The following LRP1B variants were observed in gnomAD, a reference collection of about 807,000 sequenced individuals.
LRP1B encodes the protein LDL receptor related protein 1B, also known as low-density lipoprotein receptor-related protein 1B.
Under a neutral mutation model 556.6 loss-of-function variants are expected in LRP1B, and 217 were observed. The observed-to-expected ratio is 0.39, with a 90% CI of 0.35 to 0.44. The LOEUF is 0.44. LRP1B is among the 20% of genes least tolerant of loss of function. The pLI is 1.00. For synonymous variants in LRP1B, 2,047 were observed against 1,865.8 expected (o/e 1.10, Z -2.50); for missense variants, 5,053 against 5,620.8 (o/e 0.90, Z 3.23).
chr2:141,033,163 G>T (rs978542350), intron 11 of LRP1B, among the ~76,000 whole-genome samples: 14 of 151,906 alleles, frequency 9.2e-5, no homozygotes, highest in Non-Finnish European at 2.1e-4. Flanking sequence ...GGGTTGGTGT[G>T]CTGGGGTAAC....
chr2:141,259,400 C>T (rs1181201433), intron 3 of LRP1B, among the ~76,000 whole-genome samples: 1 of 152,170 alleles, frequency 6.6e-6, no homozygotes, highest in African/African-American at 2.4e-5. Context: ...AGATGACATT[C>T]CCCAGTTGTC....
At chr2:140,508,299 T>G (rs1374661179) in intron 52 of LRP1B, among the ~76,000 whole-genome samples, 1 of 152,158 alleles carries the variant, frequency 6.6e-6, no homozygotes, top group Admixed American at 6.5e-5. Flanking sequence ...GTAGGATATT[T>G]TACATAATAT....
At chr2:140,547,207 T>G (rs1450099976) in intron 43 of LRP1B, among the ~76,000 whole-genome samples, 1 of 152,164 alleles carries the variant, frequency 6.6e-6, no homozygotes, top group East Asian at 1.9e-4. Flanking sequence ...TCAATTTTTT[T>G]GTACTAATTT....
intron 7 of LRP1B, among the ~76,000 whole-genome samples, chr2:141,131,333 A>G (rs1188499274): frequency 6.7e-6 from 1 of 150,230 alleles, no homozygotes; most frequent in Admixed American, 6.7e-5. Context: ...TCTACACAAC[A>G]ATTTAAAAAA....
intron 20 of LRP1B, among the ~76,000 whole-genome samples, chr2:140,934,455 T>C (rs909866166): frequency 1.3e-5 from 2 of 152,166 alleles, no homozygotes; most frequent in Non-Finnish European, 1.5e-5. Flanking sequence ...ATCTTTCTAA[T>C]GCAAACTATC....
At chr2:140,579,359 T>C (rs1047627860) in intron 43 of LRP1B, among the ~76,000 whole-genome samples, 2 of 144,938 alleles carry the variant, frequency 1.4e-5, no homozygotes, top group African/African-American at 5.2e-5. Context: ...ATAATACAAC[T>C]TGTCTCCCCC....
At chr2:140,393,530 T>C (rs1220831367) in intron 66 of LRP1B, among the ~76,000 whole-genome samples, 2 of 152,054 alleles carry the variant, frequency 1.3e-5, no homozygotes, top group East Asian at 1.9e-4. Flanking sequence ...GATTAAGAGA[T>C]ATTGGAAATA....
At chr2:141,800,603 A>C (rs1320618780) in intron 2 of LRP1B, among the ~76,000 whole-genome samples, 2 of 152,188 alleles carry the variant, frequency 1.3e-5, no homozygotes, top group African/African-American at 4.8e-5. Flanking sequence ...TTTTGTCAGG[A>C]TCAAAGGAGA....
intron 2 of LRP1B, among the ~76,000 whole-genome samples, chr2:141,497,062 A>C (rs1273151296): frequency 6.6e-6 from 1 of 152,036 alleles, no homozygotes; most frequent in African/African-American, 2.4e-5. Flanking sequence ...AACTTGTGAC[A>C]TAAGAAAAAC....
chr2:141,344,799 A>G (rs994045585), intron 3 of LRP1B, among the ~76,000 whole-genome samples: 2 of 152,178 alleles, frequency 1.3e-5, no homozygotes, highest in African/African-American at 4.8e-5. Flanking sequence ...ATTATTAATC[A>G]TTTGTGAGAG....
At chr2:141,732,684 G>A (rs937224258) in intron 2 of LRP1B, among the ~76,000 whole-genome samples, 2 of 151,984 alleles carry the variant, frequency 1.3e-5, no homozygotes, top group Non-Finnish European at 2.9e-5. Context: ...AATTTGAAGA[G>A]GAAGGAAGAA....
chr2:141,285,531 C>A (rs1363640898), intron 3 of LRP1B, among the ~76,000 whole-genome samples: 1 of 141,336 alleles, frequency 7.1e-6, no homozygotes, highest in Non-Finnish European at 1.5e-5. Context: ...CATCAGCTCA[C>A]TGCAACCTCC....
chr2:140,779,202 T>TA (rs900516831), intron 32 of LRP1B, among the ~76,000 whole-genome samples: 1 of 151,884 alleles, frequency 6.6e-6, no homozygotes, highest in Admixed American at 6.6e-5. Flanking sequence ...ACACTGTGCT[T>TA]AAAAAAAATC....
At chr2:140,914,319 A>G (rs1331621937) in intron 21 of LRP1B, among the ~76,000 whole-genome samples, 1 of 152,134 alleles carries the variant, frequency 6.6e-6, no homozygotes, top group Non-Finnish European at 1.5e-5. Context: ...GATATTGCAT[A>G]AGTAACCTCA....
intron 3 of LRP1B, among the ~76,000 whole-genome samples, chr2:141,460,177 T>G (rs1392025035): frequency 6.6e-6 from 1 of 152,202 alleles, no homozygotes; most frequent in Non-Finnish European, 1.5e-5. Context: ...TTTCTTCCCT[T>G]AAAAAATTTA....
At chr2:140,325,217 AATAGGAGCCAGGCAG>A (rs1354035356) in intron 80 of LRP1B, among the ~76,000 whole-genome samples, 1 of 152,070 alleles carries the variant, frequency 6.6e-6, no homozygotes, top group East Asian at 1.9e-4. Context: ...GACAGTAAAA[AATAGGAGCCAGGCAG>A]ATAGGTGGGC....
At chr2:142,093,984 G>A (rs1706268549) in intron 1 of LRP1B, among the ~76,000 whole-genome samples, 1 of 152,024 alleles carries the variant, frequency 6.6e-6, no homozygotes, top group Non-Finnish European at 1.5e-5. Context: ...CCTAGAGGCT[G>A]GGAATTCCAA....
chr2:140,848,753 A>G (rs907656273), intron 29 of LRP1B, among the ~76,000 whole-genome samples: 2 of 152,202 alleles, frequency 1.3e-5, no homozygotes, highest in Admixed American at 6.5e-5. Flanking sequence ...TAAGTGCTCA[A>G]TAAAGACACA....
intron 1 of LRP1B, among the ~76,000 whole-genome samples, chr2:142,127,726 T>C (rs1332922384): frequency 1.3e-5 from 2 of 152,016 alleles, no homozygotes; most frequent in Non-Finnish European, 2.9e-5. Flanking sequence ...CATTGTTTGA[T>C]GGTTTTCTAT....
Sources: allele counts gnomAD v4.1 joint callset (sites outside exome capture counted in the v4.1 genomes callset), GRCh38; gene constraint gnomAD v4.1.1; transcripts MANE v1.5; gene names NCBI Gene and HGNC (gene_info 2026-07-23, HGNC 2026-07-21).